The following MAF variants were observed in gnomAD, a reference collection of about 807,000 sequenced individuals.
MAF encodes transcription factor Maf.
A neutral mutation model predicts 22.0 loss-of-function variants in MAF; 10 were observed. The ratio of observed to expected loss-of-function variants is 0.45; its 90% CI spans 0.28 to 0.77. The LOEUF is 0.77. Ranked by LOEUF, MAF falls within the 30% of genes least tolerant of loss-of-function variation. MAF has a pLI of 0.12. For synonymous variants in MAF, 337 were observed against 255.8 expected (o/e 1.32, Z -3.03); for missense variants, 544 against 548.4 (o/e 0.99, Z 0.08).
the MAF span, among the ~76,000 whole-genome samples, chr16:79,569,696 A>G: frequency 3.9e-5 from 6 of 152,146 alleles, no homozygotes; most frequent in African/African-American, 1.4e-4. Context: ...GGAGCTTTGA[A>G]AAAATTATTG....
At chr16:79,528,325 A>C in the MAF span, among the ~76,000 whole-genome samples, 4 of 152,168 alleles carry the variant, frequency 2.6e-5, no homozygotes, top group Non-Finnish European at 5.9e-5. Flanking sequence ...CACATTCATG[A>C]AGAAAAAGGC....
the MAF span, among the ~76,000 whole-genome samples, chr16:79,504,780 T>C: frequency 6.6e-6 from 1 of 152,232 alleles, no homozygotes; most frequent in African/African-American, 2.4e-5. Context: ...CTAAAGAAGC[T>C]GTTCTCTGTA....
the MAF span, among the ~76,000 whole-genome samples, chr16:79,239,554 G>C: frequency 6.6e-6 from 1 of 152,158 alleles, no homozygotes; most frequent in South Asian, 2.1e-4. Flanking sequence ...CAGATGGCCA[G>C]ATTAACCATC....
chr16:79,212,373 G>C, the MAF span: 6 of 527,318 alleles, frequency 1.1e-5, no homozygotes, highest in South Asian at 1.6e-4. Context: ...AGTAGAATAC[G>C]CAGAACTACC....
At position 79,594,064 on chromosome 16, in the gene MAF, G is replaced by T; in HGVS notation, c.*396C>A. The T allele has an allele frequency of 4.3e-6, 1 of 235,044 alleles. No individual in the cohort carries two copies. Among genetic ancestry groups the T allele is most frequent in the Non-Finnish European group, 8.5e-6 (1 of 118,196 alleles). 14.6% of individuals were successfully genotyped at this position (235,044 alleles called of 1,614,324 possible). On this transcript the variant is annotated 3_prime_UTR_variant, in exon 2 of 2. Coordinates refer to ENST00000326043, the MANE Select transcript of MAF (RefSeq NM_005360.5). ...AATTATCTGCCAGAGAAACAATGAA[G>T]CATGAAAAAGTACTATTTAGAATGT...
At chr16:79,422,478 C>T in the MAF span, among the ~76,000 whole-genome samples, 1 of 152,176 alleles carries the variant, frequency 6.6e-6, no homozygotes, top group African/African-American at 2.4e-5. Flanking sequence ...TGACCATTTA[C>T]TGCCTCCAAG....
chr16:79,273,942 T>G, the MAF span, among the ~76,000 whole-genome samples: 1 of 139,758 alleles, frequency 7.2e-6, no homozygotes, highest in African/African-American at 2.6e-5. Context: ...AGGTACTTCG[T>G]GTCTGCCTTT....
At chr16:79,284,376 C>G in the MAF span, among the ~76,000 whole-genome samples, 2 of 152,202 alleles carry the variant, frequency 1.3e-5, no homozygotes, top group African/African-American at 4.8e-5. Context: ...TTGGCAACAT[C>G]ACCCCTTAGA....
chr16:79,293,231 G>C, the MAF span, among the ~76,000 whole-genome samples: 1 of 152,016 alleles, frequency 6.6e-6, no homozygotes, highest in Non-Finnish European at 1.5e-5. Flanking sequence ...CCAACTCCTG[G>C]GGTGTCCCAG....
chr16:79,542,458 G>T, the MAF span, among the ~76,000 whole-genome samples: 1 of 152,190 alleles, frequency 6.6e-6, no homozygotes, highest in African/African-American at 2.4e-5. Context: ...AGTGGCCCCA[G>T]GGACATGGCC....
chr16:79,366,244 C>G, the MAF span, among the ~76,000 whole-genome samples: 1 of 152,170 alleles, frequency 6.6e-6, no homozygotes, highest in Non-Finnish European at 1.5e-5. Flanking sequence ...CTACAAGATT[C>G]AACCTTTAAA....
the MAF span, among the ~76,000 whole-genome samples, chr16:79,442,260 T>C: frequency 6.6e-6 from 1 of 152,224 alleles, no homozygotes; most frequent in East Asian, 1.9e-4. Flanking sequence ...ATATCGGTGA[T>C]GACATAATCC....
intron 1 of MAF, chr16:79,598,483 G>A (rs1597846560): frequency 1.6e-6 from 2 of 1,289,716 alleles, no homozygotes; most frequent in East Asian, 3.3e-5. Context: ...AAGCTAGCAA[G>A]TTATGGAGAA....
chr16:79,595,398 G>A, intron 1 of MAF: 1 of 1,053,258 alleles, frequency 9.5e-7, no homozygotes, highest in Non-Finnish European at 1.1e-6. Context: ...CTTTCAGTCA[G>A]AGTTGCAATA....
chr16:79,227,013 GA>G, the MAF span, among the ~76,000 whole-genome samples: 1 of 151,826 alleles, frequency 6.6e-6, no homozygotes, highest in African/African-American at 2.4e-5. Flanking sequence ...ACATATATTT[GA>G]AAAAAATAAA....
chr16:79,322,817 AC>A, the MAF span, among the ~76,000 whole-genome samples: 3 of 151,812 alleles, frequency 2.0e-5, no homozygotes, highest in Non-Finnish European at 4.4e-5. Flanking sequence ...AGCTCACCGG[AC>A]CCCATAGTCC....
At chr16:79,580,261 G>A in the MAF span, among the ~76,000 whole-genome samples, 1 of 152,150 alleles carries the variant, frequency 6.6e-6, no homozygotes, top group Non-Finnish European at 1.5e-5. Flanking sequence ...CAGGTCATGT[G>A]CTATTTCATG....
At chr16:79,352,483 G>A in the MAF span, among the ~76,000 whole-genome samples, 6 of 152,238 alleles carry the variant, frequency 3.9e-5, no homozygotes, top group East Asian at 9.7e-4. Context: ...CCTGAGAATT[G>A]TTGAAGGAAT....
At chr16:79,397,774 C>G in the MAF span, among the ~76,000 whole-genome samples, 14 of 152,154 alleles carry the variant, frequency 9.2e-5, no homozygotes, top group African/African-American at 3.4e-4. Context: ...TAGAGCCCCC[C>G]TCCCCGGTGA....
Sources: allele counts gnomAD v4.1 joint callset (sites outside exome capture counted in the v4.1 genomes callset), GRCh38; gene constraint gnomAD v4.1.1; transcripts MANE v1.5; gene names NCBI Gene and HGNC (gene_info 2026-07-23, HGNC 2026-07-21).